FGF12: variants seen among roughly 807,000 people sequenced by gnomAD.
The protein encoded by FGF12 is fibroblast growth factor 12, also known as fibroblast growth factor 12B.
A neutral mutation model predicts 23.6 loss-of-function variants in FGF12; 14 were observed. The observed-to-expected ratio is 0.59, with a 90% confidence interval of 0.39 to 0.93. The LOEUF (loss-of-function observed/expected upper bound fraction) is 0.93. FGF12 is among the 40% of genes least tolerant of loss of function. The pLI, the probability that FGF12 is intolerant of heterozygous loss-of-function variation, is 0.00. For missense variants in FGF12, 175 were observed against 217.8 expected (o/e 0.80, Z 1.24); for synonymous variants, 62 against 77.3 (o/e 0.80, Z 1.04).
At chr3:192,683,450 A>C (rs1717617319) in intron 2 of FGF12, among the ~76,000 whole-genome samples, 2 of 152,170 alleles carry the variant, frequency 1.3e-5, no homozygotes, top group East Asian at 3.9e-4. Flanking sequence ...GTGTTATGTG[A>C]TTATAAGAGA....
chr3:192,274,757 C>T (rs1713675023), intron 4 of FGF12, among the ~76,000 whole-genome samples: 1 of 152,166 alleles, frequency 6.6e-6, no homozygotes, highest in Admixed American at 6.5e-5. Flanking sequence ...ATAACAAGGA[C>T]ACAGTGTGGC....
At chr3:192,691,285 T>C (rs1434745307) in intron 2 of FGF12, among the ~76,000 whole-genome samples, 1 of 152,068 alleles carries the variant, frequency 6.6e-6, no homozygotes, top group East Asian at 1.9e-4. Context: ...AAATGTGGGG[T>C]CACAAAACAA....
chr3:192,663,041 T>G (rs965234728), intron 2 of FGF12, among the ~76,000 whole-genome samples: 1 of 152,130 alleles, frequency 6.6e-6, no homozygotes, highest in African/African-American at 2.4e-5. Context: ...TGGTTCATGA[T>G]CATGCAATGT....
chr3:192,408,671 C>T lies in FGF12; in HGVS notation c.14-48133G>A, dbSNP rs1473013696. ...AGCGTTGTAAGGTGTCCAAAGTATA[C>T]CTACACATACATACATAGAAAACCC... On this transcript the variant is annotated intron_variant, in intron 2 of 5. Coordinates refer to ENST00000445105, the MANE Select transcript of FGF12 (RefSeq NM_004113.6). The surrounding 1 kb of genome is among the most constrained non-coding windows in gnomAD (Gnocchi z 7.3). The T allele has an allele frequency of 2.0e-5, 20 of 1,002,630 alleles. No individual in the cohort carries two copies. Among genetic ancestry groups the T allele is most frequent in the Admixed American group, 5.5e-5 (1 of 18,186 alleles). The allele number at this position is 1,002,630 out of a possible 1,614,324, so 62.1% of individuals were successfully genotyped here.
chr3:192,464,034 G>GT (rs1165495480), intron 2 of FGF12, among the ~76,000 whole-genome samples: 2 of 152,146 alleles, frequency 1.3e-5, no homozygotes, highest in African/African-American at 4.8e-5. Context: ...TTAGAGGCAC[G>GT]TGAGAAGTTT....
chr3:192,478,921 C>G (rs1385183662), intron 2 of FGF12, among the ~76,000 whole-genome samples: 1 of 152,148 alleles, frequency 6.6e-6, no homozygotes, highest in Non-Finnish European at 1.5e-5. Flanking sequence ...TAAAAGTTTT[C>G]TCTGGTTAGA....
At chr3:192,429,834 C>T (rs776398067) in intron 2 of FGF12, among the ~76,000 whole-genome samples, 6 of 151,980 alleles carry the variant, frequency 3.9e-5, no homozygotes, top group African/African-American at 7.3e-5. Context: ...AAAATACTCT[C>T]AAGGAAAAAC....
chr3:192,325,122 T>C (rs1716749803), intron 4 of FGF12, among the ~76,000 whole-genome samples: 1 of 152,194 alleles, frequency 6.6e-6, no homozygotes, highest in South Asian at 2.1e-4. Flanking sequence ...AAATAACCCA[T>C]GTCACATGTT....
intron 4 of FGF12, among the ~76,000 whole-genome samples, chr3:192,300,957 C>A (rs1211986933): frequency 6.6e-6 from 1 of 152,098 alleles, no homozygotes; most frequent in Non-Finnish European, 1.5e-5. Flanking sequence ...GTCGAGATCA[C>A]CCCACTGCAC....
rs1168725699 is a variant in FGF12, at chr3:192,345,422, T to C, written c.125-9958A>G. Among the ~76,000 whole-genome samples the C allele has an allele frequency of 4.7e-5, 2 of 42,814 alleles. 1 individual carries two copies. Among genetic ancestry groups the C allele is most frequent in the Non-Finnish European group, 6.9e-5 (2 of 28,980 alleles). The allele number at this position is 42,814 out of a possible 152,430, so 28.1% of individuals were successfully genotyped here. A position where few individuals can be genotyped will look rare whatever the true frequency, so the allele number is the denominator to read the frequency against. Reference sequence around the variant, plus strand: ...TATAACATAGGCCGGGCGCGGTGGCTCACGCCTGTAATCCCAGCACTTTGG... The same window carrying C: ...TATAACATAGGCCGGGCGCGGTGGCCCACGCCTGTAATCCCAGCACTTTGG... On this transcript the variant is annotated intron_variant, in intron 3 of 5. Coordinates refer to ENST00000445105, the MANE Select transcript of FGF12 (RefSeq NM_004113.6).
At chr3:192,631,077 T>G (rs1715375529) in intron 2 of FGF12, among the ~76,000 whole-genome samples, 2 of 152,200 alleles carry the variant, frequency 1.3e-5, no homozygotes, top group South Asian at 4.1e-4. Flanking sequence ...TGCCAGCAGC[T>G]TATTCCTTAT....
intron 4 of FGF12, among the ~76,000 whole-genome samples, chr3:192,329,129 G>A (rs1716979293): frequency 6.6e-6 from 1 of 152,092 alleles, no homozygotes; most frequent in South Asian, 2.1e-4. Flanking sequence ...CAAATATGTG[G>A]CCCAGATGGC....
chr3:192,365,558 C>T (rs979618417), intron 2 of FGF12, among the ~76,000 whole-genome samples: 6 of 151,976 alleles, frequency 3.9e-5, no homozygotes, highest in Admixed American at 6.6e-5. Flanking sequence ...ACTATCTTCA[C>T]ATCTCTATAA....
intron 4 of FGF12, among the ~76,000 whole-genome samples, chr3:192,313,010 C>T (rs1716040219): frequency 6.6e-6 from 1 of 152,014 alleles, no homozygotes; most frequent in Non-Finnish European, 1.5e-5. Context: ...GCATAATTTT[C>T]TCTCCTTTTC....
intron 5 of FGF12, among the ~76,000 whole-genome samples, chr3:192,160,649 A>G (rs771766585): frequency 6.6e-6 from 1 of 152,166 alleles, no homozygotes; most frequent in African/African-American, 2.4e-5. Flanking sequence ...CATAAATGCT[A>G]TCAAGTCAAA....
chr3:192,371,752 C>T (rs1719241793), intron 2 of FGF12, among the ~76,000 whole-genome samples: 1 of 150,652 alleles, frequency 6.6e-6, no homozygotes, highest in Admixed American at 6.6e-5. Flanking sequence ...TTTTTTTTTA[C>T]ATCTATATTA....
intron 2 of FGF12, among the ~76,000 whole-genome samples, chr3:192,513,132 A>G (rs1258865107): frequency 6.6e-6 from 1 of 151,888 alleles, no homozygotes; most frequent in Non-Finnish European, 1.5e-5. Context: ...TTTCACCTCT[A>G]AGAGACATAT....
In FGF12 at chr3:192,172,424, C is replaced by T. The variant is rs1715621214; in HGVS notation, c.229-1768G>A. Among the ~76,000 whole-genome samples, 7 of 149,762 alleles carry T rather than the reference C, an allele frequency of 4.7e-5. No homozygotes were observed. The South Asian group carries it at 1.5e-3, about 32-fold the overall frequency. ...AAAAAAAAGTCCAAGAAAACACCCCCCAAAGAAAATTGGAGTAGAAAGGTG... is the reference window on the plus strand; with the variant it reads ...AAAAAAAAGTCCAAGAAAACACCCCTCAAAGAAAATTGGAGTAGAAAGGTG... On this transcript the variant is annotated intron_variant, in intron 4 of 5. Coordinates refer to ENST00000445105, the MANE Select transcript of FGF12 (RefSeq NM_004113.6).
In FGF12 at chr3:192,555,741, C is replaced by T. The variant is rs375098923; in HGVS notation, c.13+171440G>A. Among the ~76,000 whole-genome samples the T allele has an allele frequency of 7.4e-5, 11 of 147,934 alleles. No homozygotes were observed. The East Asian group carries it at 1.4e-3, about 19-fold the overall frequency. On this transcript the variant is annotated intron_variant, in intron 2 of 5. Coordinates refer to ENST00000445105, the MANE Select transcript of FGF12 (RefSeq NM_004113.6). ...TGAACCCGGGAGGTGGAGATTGCAGCGAGCCGAGATCATGCCATTGCACTC... is the reference window on the plus strand; with the variant it reads ...TGAACCCGGGAGGTGGAGATTGCAGTGAGCCGAGATCATGCCATTGCACTC...
Sources: allele counts gnomAD v4.1 joint callset (sites outside exome capture counted in the v4.1 genomes callset), GRCh38; gene constraint gnomAD v4.1.1; non-coding constraint Gnocchi (gnomAD v3.1); transcripts MANE v1.5; gene names NCBI Gene and HGNC (gene_info 2026-07-23, HGNC 2026-07-21).